The following GYS2 variants were observed in gnomAD, a reference collection of about 807,000 sequenced individuals.
The protein encoded by GYS2 is glycogen synthase 2, also known as glycogen [starch] synthase, liver.
GYS2 carries 80 observed loss-of-function variants against 85.6 expected under a neutral mutation model. That is an observed-to-expected ratio of 0.93 (90% CI 0.78 to 1.13). GYS2 has a LOEUF of 1.13. Among genes scored for constraint, GYS2 ranks in the 50% most tolerant of loss-of-function variants. The pLI is 0.00. For missense variants in GYS2, 881 were observed against 854.9 expected, an observed-to-expected ratio of 1.03 and a Z score of -0.38; for synonymous variants, 328 against 300.7, an observed-to-expected ratio of 1.09 and a Z score of -0.94.
intron 5 of GYS2, among the ~76,000 whole-genome samples, chr12:21,567,705 A>G (rs1264101999): frequency 6.6e-6 from 1 of 152,106 alleles, no homozygotes; most frequent in Non-Finnish European, 1.5e-5. Context: ...AAGTATAATA[A>G]CAAGGAATTT....
intron 13 of GYS2, among the ~76,000 whole-genome samples, chr12:21,541,441 G>A (rs1426442863): frequency 1.3e-5 from 2 of 151,632 alleles, no homozygotes; most frequent in African/African-American, 4.8e-5. Flanking sequence ...AAGTTGTCAC[G>A]GGCCTTTAAA....
chr12:21,567,531 G>GT (rs76569569), intron 5 of GYS2, among the ~76,000 whole-genome samples: 4,755 of 128,312 alleles, frequency 0.037, 104 homozygotes, highest in Non-Finnish European at 0.053. Flanking sequence ...GTTCTATCTT[G>GT]TTTTTTTTTT....
downstream of GYS2, among the ~76,000 whole-genome samples, chr12:21,534,605 G>C (rs1333800518): frequency 6.6e-6 from 1 of 151,542 alleles, no homozygotes; most frequent in Non-Finnish European, 1.5e-5. Flanking sequence ...AGAAAAAAGA[G>C]AGAAGGTAAG....
At chr12:21,535,270 T>C (rs1265965640), downstream of GYS2, among the ~76,000 whole-genome samples, 1 of 148,064 alleles carries the variant, frequency 6.8e-6, no homozygotes, top group African/African-American at 2.5e-5. Flanking sequence ...ACCAATCGAG[T>C]ATCATTTGAA....
chr12:21,557,321 A>T (rs1034066983), intron 11 of GYS2, among the ~76,000 whole-genome samples: 4 of 152,168 alleles, frequency 2.6e-5, no homozygotes, highest in Non-Finnish European at 4.4e-5. Context: ...CTCAGTAAAC[A>T]TCATATAGTT....
chr12:21,570,515 G>A (rs147638446), intron 4 of GYS2, among the ~76,000 whole-genome samples: 67 of 152,326 alleles, frequency 4.4e-4, no homozygotes, highest in Admixed American at 2.5e-3. Context: ...GTGCAAAGAC[G>A]AAGACTTATT....
chr12:21,569,067 A>G, intron 4 of GYS2, 58 bp from the exon 5 acceptor site: 1 of 1,565,250 alleles, frequency 6.4e-7, no homozygotes, highest in Non-Finnish European at 8.8e-7. Context: ...TACACAAGCT[A>G]AACAAAATCA....
chr12:21,546,710 G>T (rs1335207702), intron 11 of GYS2, among the ~76,000 whole-genome samples: 1 of 152,132 alleles, frequency 6.6e-6, no homozygotes, highest in Non-Finnish European at 1.5e-5. Flanking sequence ...CAAGGCTTAG[G>T]TTGAAGGATA....
At chr12:21,598,527 C>T (rs540527036) in intron 1 of GYS2, among the ~76,000 whole-genome samples, 31 of 151,994 alleles carry the variant, frequency 2.0e-4, no homozygotes, top group Non-Finnish European at 3.8e-4. Context: ...TTATATAGCA[C>T]ACTTTGTGCT....
chr12:21,581,055 A>C (rs757855738), intron 1 of GYS2, among the ~76,000 whole-genome samples: 1 of 152,244 alleles, frequency 6.6e-6, no homozygotes, highest in Non-Finnish European at 1.5e-5. Context: ...AGCACCAAGC[A>C]AAGTACCTTT....
chr12:21,604,642 G>A lies in GYS2; in HGVS notation c.-50C>T. ...CTTTGAATTCCTGTTTCAATTAGTT[G>A]TAATCCCAGGAGAAGAGAACTTACA... On this transcript the variant is annotated 5_prime_UTR_variant, in exon 1 of 16. Coordinates refer to ENST00000261195, the MANE Select transcript of GYS2 (RefSeq NM_021957.4). 6.2e-7 allele frequency: 1 copy of A among 1,609,202 alleles called. No homozygotes were observed. The highest frequency in any genetic ancestry group is 1.1e-5 in the South Asian group (1 of 90,838).
intron 11 of GYS2, among the ~76,000 whole-genome samples, chr12:21,550,897 G>GT (rs1222654279): frequency 6.6e-6 from 1 of 152,090 alleles, no homozygotes; most frequent in Non-Finnish European, 1.5e-5. Flanking sequence ...AACGGAGATC[G>GT]TGCCACTGCA....
intron 11 of GYS2, among the ~76,000 whole-genome samples, chr12:21,548,120 A>G (rs1335123904): frequency 6.6e-6 from 1 of 152,342 alleles, no homozygotes; most frequent in Non-Finnish European, 1.5e-5. Context: ...AAGGAGCGGA[A>G]ATAACAGAGA....
intron 4 of GYS2, among the ~76,000 whole-genome samples, chr12:21,569,674 T>C (rs930613301): frequency 4.6e-5 from 7 of 152,340 alleles, no homozygotes; most frequent in African/African-American, 1.7e-4. Context: ...AGTTACTGAA[T>C]GTAGTGTCTC....
chr12:21,583,693 C>T (rs1326919645), intron 1 of GYS2, among the ~76,000 whole-genome samples: 1 of 152,204 alleles, frequency 6.6e-6, no homozygotes, highest in African/African-American at 2.4e-5. Flanking sequence ...AAGCTCTTGG[C>T]CTGTTACTGG....
At chr12:21,542,698 CTA>C (rs1293859607) in intron 12 of GYS2, 107 bp from the exon 13 acceptor site, 1 of 736,652 alleles carries the variant, frequency 1.4e-6, no homozygotes, top group Non-Finnish European at 2.5e-6. Flanking sequence ...GCAATGTTCA[CTA>C]TGTGTCAGTC....
chr12:21,541,878 C>T (rs528013337), intron 13 of GYS2, among the ~76,000 whole-genome samples: 3 of 152,092 alleles, frequency 2.0e-5, no homozygotes, highest in East Asian at 1.9e-4. Flanking sequence ...TCAAGCAGTC[C>T]CCAGATGTCT....
chr12:21,580,470 A>G lies in GYS2; in HGVS notation c.175T>C (p.Trp59Arg), dbSNP rs1944496482. The G allele has an allele frequency of 6.2e-7, 1 of 1,613,530 alleles. No homozygotes were observed. Among genetic ancestry groups the G allele is most frequent in the Non-Finnish European group, 8.5e-7 (1 of 1,179,592 alleles). The change falls in exon 2 of 16, where the codon TGG becomes CGG. Residue 59 changes from tryptophan to arginine, a missense_variant. Trp to Arg is a moderately radical substitution (Grantham distance 101). Transcript: ENST00000261195. ...QTKAKTTADE[W>R]GENYFLIGPY... is the part of the protein sequence containing the mutation. Reference sequence around the variant, plus strand: ...CCTATCAGAAAATAGTTCTCTCCCCATTCATCTGCTGTTGTTTTGGCCTTT... The same window carrying G: ...CCTATCAGAAAATAGTTCTCTCCCCGTTCATCTGCTGTTGTTTTGGCCTTT...
chr12:21,562,334 G>A (rs1944263706), intron 7 of GYS2, among the ~76,000 whole-genome samples: 1 of 152,088 alleles, frequency 6.6e-6, no homozygotes, highest in Non-Finnish European at 1.5e-5. Flanking sequence ...GTTCTATAGA[G>A]AGTTCGTGCT....
Sources: allele counts gnomAD v4.1 joint callset (sites outside exome capture counted in the v4.1 genomes callset), GRCh38; gene constraint gnomAD v4.1.1; transcripts MANE v1.5; gene names NCBI Gene and HGNC (gene_info 2026-07-23, HGNC 2026-07-21).